RUNDC3B: variants seen among roughly 807,000 people sequenced by gnomAD.
RUNDC3B encodes the protein RUN domain-containing protein 3B.
RUNDC3B carries 33 observed loss-of-function variants against 58.4 expected under a neutral mutation model. The ratio of observed to expected loss-of-function variants is 0.56; its 90% CI spans 0.43 to 0.75. The LOEUF (loss-of-function observed/expected upper bound fraction) is 0.75. RUNDC3B is among the 30% of genes least tolerant of loss of function. The probability of loss-of-function intolerance (pLI) is 0.00; values close to 1 mark genes in which losing one functional copy is unlikely to be tolerated. For synonymous variants in RUNDC3B, 193 were observed against 195.2 expected (o/e 0.99, Z 0.10); for missense variants, 501 against 535.7 (o/e 0.94, Z 0.64).
At chr7:87,726,716 A>G (rs1319413321) in intron 4 of RUNDC3B, among the ~76,000 whole-genome samples, 3 of 152,156 alleles carry the variant, frequency 2.0e-5, no homozygotes, top group Non-Finnish European at 2.9e-5. Flanking sequence ...GATTCTTCCT[A>G]TCCATGAGCA....
At chr7:87,822,152 G>A (rs1458064060) in intron 10 of RUNDC3B, among the ~76,000 whole-genome samples, 1 of 152,064 alleles carries the variant, frequency 6.6e-6, no homozygotes, top group Non-Finnish European at 1.5e-5. Context: ...TCTGACAAAG[G>A]ACTAATATCC....
At chr7:87,706,563 C>G (rs566970959) in intron 3 of RUNDC3B, among the ~76,000 whole-genome samples, 1 of 152,224 alleles carries the variant, frequency 6.6e-6, no homozygotes, top group Admixed American at 6.5e-5. Flanking sequence ...AAGGGAGCAA[C>G]CAAGGCATGA....
chr7:87,763,546 G>A (rs1307577632), intron 6 of RUNDC3B, among the ~76,000 whole-genome samples: 1 of 151,516 alleles, frequency 6.6e-6, no homozygotes, highest in Non-Finnish European at 1.5e-5. Context: ...TTGTATGACA[G>A]GGGTTTTTTA....
At chr7:87,722,878 T>C (rs1463397252) in intron 4 of RUNDC3B, among the ~76,000 whole-genome samples, 1 of 152,186 alleles carries the variant, frequency 6.6e-6, no homozygotes, top group African/African-American at 2.4e-5. Context: ...TTAAAACTAT[T>C]TCCGATTCAC....
chr7:87,828,364 G>T (rs1227680703), intron 10 of RUNDC3B, among the ~76,000 whole-genome samples: 1 of 151,940 alleles, frequency 6.6e-6, no homozygotes, highest in Non-Finnish European at 1.5e-5. Flanking sequence ...TTCCACCCTT[G>T]CCCCCCACCA....
At position 87,829,917 on chromosome 7, in the gene RUNDC3B, T is replaced by C; in HGVS notation, c.1258T>C (p.Cys420Arg). Residue 420 changes from cysteine (C) to arginine (R), a missense_variant, in exon 11 of 11, where the codon TGT becomes CGT. Physicochemically the swap from Cys to Arg is radical, Grantham distance 180 (BLOSUM62 -3). Coordinates refer to ENST00000394654, the MANE Select transcript of RUNDC3B (RefSeq NM_001134405.2). ...AGATACTCCCTCATTACTTGGCCTC[T>C]GTGGATCTCTAACGTCAGTGGCAAG... Reference protein sequence around the residue: ...KEDTPSLLGLCGSLTSVASYK... With the variant: ...KEDTPSLLGLRGSLTSVASYK... 6.2e-7 allele frequency: 1 copy of C among 1,608,390 alleles called. No individual in the cohort carries two copies.
chr7:87,822,089 T>C (rs898998787), intron 10 of RUNDC3B, among the ~76,000 whole-genome samples: 2 of 151,998 alleles, frequency 1.3e-5, no homozygotes, highest in African/African-American at 4.8e-5. Context: ...GAAACTACCA[T>C]CAGAGTGAAC....
intron 2 of RUNDC3B, among the ~76,000 whole-genome samples, chr7:87,671,658 G>T (rs533475666): frequency 2.6e-5 from 4 of 152,220 alleles, no homozygotes; most frequent in African/African-American, 9.6e-5. Context: ...TAAGAGGTGG[G>T]TAGAGACCTG....
In RUNDC3B at chr7:87,775,140, TATC is replaced by T. The variant is rs1175492254; in HGVS notation, c.799-2655_799-2653del. Among the ~76,000 whole-genome samples, 3 of 152,200 alleles carry T rather than the reference TATC, an allele frequency of 2.0e-5. No individual in the cohort carries two copies. In the East Asian group the frequency reaches 5.8e-4, roughly 29 times the overall value. ...GAGGTAGTCCAGCAGTGGGCATTGTTATCATGGGAGATGACAGCTCCATGTGTT... is the reference window on the plus strand; with the variant it reads ...GAGGTAGTCCAGCAGTGGGCATTGTTATGGGAGATGACAGCTCCATGTGTT... On this transcript the variant is annotated intron_variant, in intron 7 of 10. Coordinates refer to ENST00000394654, the MANE Select transcript of RUNDC3B (RefSeq NM_001134405.2).
At position 87,628,921 on chromosome 7, in the gene RUNDC3B, G is replaced by C; in HGVS notation, c.98G>C (p.Arg33Thr). ...SLSARNAAVERRNLITVCRFS... is the reference protein window; with the variant it reads ...SLSARNAAVETRNLITVCRFS... ...AGCGCCCGCAATGCTGCGGTGGAGA[G>C]GAGGAACCTGATCACCGTGTGCAGG... Residue 33 changes from arginine to threonine, a missense_variant, in exon 1 of 11, where the codon AGG becomes ACG. Physicochemically the swap from Arg to Thr is moderately conservative, Grantham distance 71. Coordinates refer to ENST00000394654, the MANE Select transcript of RUNDC3B (RefSeq NM_001134405.2). 7.6e-7 allele frequency: 1 copy of C among 1,309,884 alleles called. No homozygotes were observed. Among genetic ancestry groups the C allele is most frequent in the Non-Finnish European group, 9.8e-7 (1 of 1,020,664 alleles). The allele number at this position is 1,309,884 out of a possible 1,614,324, so 81.1% of individuals were successfully genotyped here.
intron 4 of RUNDC3B, among the ~76,000 whole-genome samples, chr7:87,726,677 T>A (rs1292869735): frequency 6.6e-6 from 1 of 152,210 alleles, no homozygotes; most frequent in African/African-American, 2.4e-5. Context: ...ATAAATTACC[T>A]TGGGCTGTAT....
chr7:87,660,994 A>G (rs1824647433), intron 2 of RUNDC3B, among the ~76,000 whole-genome samples: 1 of 152,048 alleles, frequency 6.6e-6, no homozygotes, highest in Non-Finnish European at 1.5e-5. Flanking sequence ...TAAATGTCCC[A>G]TCTTGAGAAG....
intron 4 of RUNDC3B, among the ~76,000 whole-genome samples, chr7:87,728,218 C>T (rs1467034356): frequency 6.6e-6 from 1 of 152,064 alleles, no homozygotes; most frequent in Non-Finnish European, 1.5e-5. Flanking sequence ...GTAACATTTC[C>T]TGTTTTGATT....
At chr7:87,822,195 G>T (rs1837497818) in intron 10 of RUNDC3B, among the ~76,000 whole-genome samples, 1 of 151,802 alleles carries the variant, frequency 6.6e-6, no homozygotes, top group South Asian at 2.1e-4. Flanking sequence ...AAATTTACAA[G>T]AAAAAAACAA....
At chr7:87,763,339 C>G (rs1833802225) in intron 6 of RUNDC3B, among the ~76,000 whole-genome samples, 1 of 151,558 alleles carries the variant, frequency 6.6e-6, no homozygotes, top group African/African-American at 2.4e-5. Context: ...TAGGTTTACC[C>G]ATAAGTTTAC....
chr7:87,738,316 G>A (rs1166241989), intron 4 of RUNDC3B, among the ~76,000 whole-genome samples: 1 of 151,860 alleles, frequency 6.6e-6, no homozygotes, highest in Admixed American at 6.6e-5. Context: ...CCTTTCTGCA[G>A]GACACCTCAG....
At chr7:87,640,192 GTATA>G (rs772972684) in intron 1 of RUNDC3B, among the ~76,000 whole-genome samples, 1 of 145,440 alleles carries the variant, frequency 6.9e-6, no homozygotes, top group Admixed American at 6.9e-5. Flanking sequence ...ATATATATGT[GTATA>G]TATATATATA....
At chr7:87,777,154 T>C (rs1834681348) in intron 7 of RUNDC3B, among the ~76,000 whole-genome samples, 1 of 152,198 alleles carries the variant, frequency 6.6e-6, no homozygotes, top group Non-Finnish European at 1.5e-5. Flanking sequence ...ATCTATTACG[T>C]GTTTACTAAT....
At chr7:87,651,956 G>C (rs1823622050) in intron 2 of RUNDC3B, among the ~76,000 whole-genome samples, 2 of 151,438 alleles carry the variant, frequency 1.3e-5, no homozygotes, top group African/African-American at 4.8e-5. Context: ...GGTTTTTTTT[G>C]TCCTTTTTGC....
Sources: gnomAD v4.1 joint callset for allele counts (sites outside exome capture counted in the v4.1 genomes callset) on GRCh38, gnomAD v4.1.1 for gene constraint, MANE v1.5 for transcripts, NCBI Gene and HGNC (gene_info 2026-07-23, HGNC 2026-07-21) for gene names.